Variants in ADARB2 observed in about 807,000 individuals in gnomAD.
ADARB2 encodes adenosine deaminase RNA specific B2 (inactive).
In ADARB2, 25 loss-of-function variants were observed where a neutral mutation model predicts 62.2. The observed-to-expected ratio is 0.40, with a 90% confidence interval of 0.29 to 0.56. The LOEUF (loss-of-function observed/expected upper bound fraction) is 0.56. Ranked by LOEUF, ADARB2 falls within the 20% of genes least tolerant of loss-of-function variation. The probability of loss-of-function intolerance (pLI) is 0.43; values close to 1 mark genes in which losing one functional copy is unlikely to be tolerated. For synonymous variants in ADARB2, 572 were observed against 500.8 expected (o/e 1.14, Z -1.90); for missense variants, 1,071 against 1,077.4 (o/e 0.99, Z 0.08).
rs1413100771 is a variant in ADARB2 at position 1,378,969 on chromosome 10, C to T, written c.187+105G>A. 1.9e-5 allele frequency: 18 copies of T among 936,412 alleles called. No individual in the cohort carries two copies. The South Asian group carries it at 2.3e-4, about 12-fold the overall frequency. 58.0% of individuals were successfully genotyped at this position (936,412 alleles called of 1,614,324 possible). On this transcript the variant is annotated intron_variant, in intron 2 of 9. Coordinates refer to ENST00000381312, the MANE Select transcript of ADARB2 (RefSeq NM_018702.4). ...GTCTCTCCAGGTAAGACCAAACAGA[C>T]CCTCCCAGATGACCCCAGGTATCTC...
At chr10:1,387,499 A>T (rs1186743236) in intron 1 of ADARB2, among the ~76,000 whole-genome samples, 1 of 152,026 alleles carries the variant, frequency 6.6e-6, no homozygotes, top group Admixed American at 6.5e-5. Flanking sequence ...TCAGTGAAAA[A>T]CATATTTGCA....
At chr10:1,424,600 C>T (rs188205579) in intron 1 of ADARB2, among the ~76,000 whole-genome samples, 5 of 151,876 alleles carry the variant, frequency 3.3e-5, no homozygotes, top group Middle Eastern at 3.4e-3. Flanking sequence ...TTAGTGCCCA[C>T]GGAAGCTTGG....
rs965302536 is a variant in ADARB2, at chr10:1,177,959, A to C, written c.*5234T>G. On this transcript the variant is annotated 3_prime_UTR_variant, in exon 10 of 10. Transcript: ENST00000381312. ...AAATACAAAAATTAGCCAATCTCATAAGCCGGTCTCAAAAAAGTAAATAGA... is the reference window on the plus strand; with the variant it reads ...AAATACAAAAATTAGCCAATCTCATCAGCCGGTCTCAAAAAAGTAAATAGA... 1.3e-5 allele frequency: 2 copies of C among 152,198 alleles called. No homozygotes were observed. The highest frequency in any genetic ancestry group is 4.8e-5 in the African/African-American group (2 of 41,436). 9.4% of individuals were successfully genotyped at this position (152,198 alleles called of 1,614,324 possible). A position where few individuals can be genotyped will look rare whatever the true frequency, so the allele number is the denominator to read the frequency against.
intron 1 of ADARB2, among the ~76,000 whole-genome samples, chr10:1,436,506 C>A (rs563390722): frequency 6.6e-6 from 1 of 152,114 alleles, no homozygotes. Context: ...CTGGGTTATT[C>A]TTCATACGAT....
In ADARB2 at chr10:1,593,302, CATGGTCCCCTCTGTCA is replaced by C. The variant is rs1255973745; in HGVS notation, c.100+143733_100+143748del. On this transcript the variant is annotated intron_variant, in intron 1 of 9. Coordinates refer to ENST00000381312, the MANE Select transcript of ADARB2 (RefSeq NM_018702.4). ...CACCCTCCATAGGTCTCCTCTCTGG[CATGGTCCCCTCTGTCA>C]CCCAGCTCCCCTGGCCCAAACCACA... 1.3e-4 allele frequency among the ~76,000 whole-genome samples: 19 copies of C among 147,322 alleles called. 1 individual carries two copies. Among genetic ancestry groups the C allele is most frequent in the African/African-American group, 3.8e-4 (15 of 39,446 alleles).
At chr10:1,667,364 A>G (rs188617172) in intron 1 of ADARB2, among the ~76,000 whole-genome samples, 1 of 152,216 alleles carries the variant, frequency 6.6e-6, no homozygotes, top group African/African-American at 2.4e-5. Flanking sequence ...GAGACACTCA[A>G]ATTTGGTGTA....
At chr10:1,436,745 A>G (rs1830838945) in intron 1 of ADARB2, among the ~76,000 whole-genome samples, 1 of 152,218 alleles carries the variant, frequency 6.6e-6, no homozygotes, top group Non-Finnish European at 1.5e-5. Flanking sequence ...ATTTAAATAA[A>G]AAAGTCTTAT....
At chr10:1,653,694 T>A (rs560966830) in intron 1 of ADARB2, among the ~76,000 whole-genome samples, 21 of 152,332 alleles carry the variant, frequency 1.4e-4, no homozygotes, top group African/African-American at 4.6e-4. Context: ...TGGCACCACA[T>A]GTTCGGTCTC....
chr10:1,731,278 C>T (rs943508814), intron 1 of ADARB2, among the ~76,000 whole-genome samples: 1 of 152,292 alleles, frequency 6.6e-6, no homozygotes, highest in African/African-American at 2.4e-5. Flanking sequence ...GTCAGGCAAG[C>T]AATCAGATAA....
chr10:1,179,041 C>G lies in ADARB2; in HGVS notation c.*4152G>C, dbSNP rs1203341785. ...ATAAGTTTCCCTAAATTAAAAATGT[C>G]TACTTTATGTACGTCTCAAATGTCT... On this transcript the variant is annotated 3_prime_UTR_variant, in exon 10 of 10. Transcript: ENST00000381312. 1 of 152,186 alleles carries G rather than the reference C, an allele frequency of 6.6e-6. No individual in the cohort carries two copies. The highest frequency in any genetic ancestry group is 1.5e-5 in the Non-Finnish European group (1 of 68,036). The allele number at this position is 152,186 out of a possible 1,614,324, so 9.4% of individuals were successfully genotyped here.
chr10:1,461,161 T>A (rs920937860), intron 1 of ADARB2, among the ~76,000 whole-genome samples: 1 of 152,202 alleles, frequency 6.6e-6, no homozygotes, highest in Non-Finnish European at 1.5e-5. Flanking sequence ...AGCAACAACG[T>A]GACACTTCGA....
Position 1,181,843 on chromosome 10 carries a change from G to A in ADARB2, c.*1350C>T, listed in dbSNP as rs1315736324. 3.3e-5 allele frequency: 5 copies of A among 152,318 alleles called. No homozygotes were observed. The highest frequency in any genetic ancestry group is 2.0e-4 in the Admixed American group (3 of 15,290). The allele number at this position is 152,318 out of a possible 1,614,324, so 9.4% of individuals were successfully genotyped here. A position where few individuals can be genotyped will look rare whatever the true frequency, so the allele number is the denominator to read the frequency against. On this transcript the variant is annotated 3_prime_UTR_variant, in exon 10 of 10. Coordinates refer to ENST00000381312, the MANE Select transcript of ADARB2 (RefSeq NM_018702.4). ...TGATGAATGTTAGAAATGAGTTCTC[G>A]GAGGTGAGATGACAGCAGCTCGAGG... is the stretch of plus-strand genomic sequence containing the variant.
intron 1 of ADARB2, among the ~76,000 whole-genome samples, chr10:1,444,783 A>G (rs1830948030): frequency 1.4e-5 from 2 of 142,334 alleles, no homozygotes; most frequent in East Asian, 4.4e-4. Flanking sequence ...ATCCATTTCC[A>G]TCCATCCACC....
intron 3 of ADARB2, among the ~76,000 whole-genome samples, chr10:1,344,276 C>T (rs1473195309): frequency 2.6e-5 from 4 of 152,194 alleles, no homozygotes; most frequent in Non-Finnish European, 5.9e-5. Context: ...TGTTCAGCAG[C>T]GAGAGGACTC....
At chr10:1,308,495 C>T (rs1831653451) in intron 3 of ADARB2, among the ~76,000 whole-genome samples, 1 of 152,178 alleles carries the variant, frequency 6.6e-6, no homozygotes, top group Admixed American at 6.5e-5. Context: ...CACAAATTTT[C>T]AATTCATCTG....
intron 1 of ADARB2, among the ~76,000 whole-genome samples, chr10:1,629,236 G>A (rs927953325): frequency 6.6e-6 from 1 of 152,076 alleles, no homozygotes; most frequent in Non-Finnish European, 1.5e-5. Context: ...CCAGGGAATT[G>A]GACTCCCTGG....
At chr10:1,601,967 G>T in intron 1 of ADARB2, among the ~76,000 whole-genome samples, 1 of 151,064 alleles carries the variant, frequency 6.6e-6, no homozygotes, top group East Asian at 1.9e-4. Context: ...AGTAGAGTCA[G>T]CCATCACTAC....
chr10:1,644,299 G>C (rs1169316318), intron 1 of ADARB2, among the ~76,000 whole-genome samples: 2 of 152,210 alleles, frequency 1.3e-5, no homozygotes, highest in African/African-American at 4.8e-5. Context: ...CTCCATCAAT[G>C]TCCCCGAGCT....
intron 3 of ADARB2, among the ~76,000 whole-genome samples, chr10:1,358,452 C>A (rs1832217538): frequency 6.6e-6 from 1 of 152,192 alleles, no homozygotes; most frequent in Non-Finnish European, 1.5e-5. Flanking sequence ...GTCTTGAATA[C>A]CTGCATTCCC....
Sources: allele counts gnomAD v4.1 joint callset (sites outside exome capture counted in the v4.1 genomes callset), GRCh38; gene constraint gnomAD v4.1.1; transcripts MANE v1.5; gene names NCBI Gene and HGNC (gene_info 2026-07-23, HGNC 2026-07-21).